MKI67: variants seen among roughly 807,000 people sequenced by gnomAD.
MKI67 encodes the protein marker of proliferation Ki-67, also known as proliferation marker protein Ki-67.
MKI67 carries 152 observed loss-of-function variants against 233.5 expected under a neutral mutation model. The observed-to-expected ratio is 0.65, with a 90% CI of 0.57 to 0.74. The LOEUF is 0.74. Among genes scored for constraint, MKI67 ranks in the 30% least tolerant of loss-of-function variants. The pLI is 0.00. For missense variants in MKI67, 3,940 were observed against 3,885.2 expected (o/e 1.01, Z -0.37); for synonymous variants, 1,465 against 1,418.5 (o/e 1.03, Z -0.74).
chr10:128,106,055 C>T lies in MKI67; in HGVS notation c.5785G>A (p.Asp1929Asn). The change falls in exon 13 of 15, where the codon GAC becomes AAC. Residue 1929 changes from aspartate (D) to asparagine (N), a missense_variant. By Grantham distance (23) the Asp-to-Asn change is conservative. Transcript: ENST00000368654. Reference sequence around the variant, plus strand: ...CTGCCAGGTAAATTTCCTAGCAGGTCCAGTTTCTCCACTGGAGTCCCCACA... The same window carrying T: ...CTGCCAGGTAAATTTCCTAGCAGGTTCAGTTTCTCCACTGGAGTCCCCACA... ...TFVGTPVEKL[D>N]LLGNLPGSKR... 1.9e-6 allele frequency: 3 copies of T among 1,613,910 alleles called. No homozygotes were observed. The highest frequency in any genetic ancestry group is 1.1e-5 in the South Asian group (1 of 91,080).
chr10:128,125,691 A>T lies in MKI67; in HGVS notation c.-24T>A. The T allele has an allele frequency of 1.3e-6, 2 of 1,592,850 alleles. No individual in the cohort carries two copies. Among genetic ancestry groups the T allele is most frequent in the South Asian group, 2.2e-5 (2 of 89,444 alleles). Reference sequence around the variant, plus strand: ...ATTTTCTAAACAGTAAGTTGAGTATAATCCGTAGGGGAAGGCCAGGTATAA... The same window carrying T: ...ATTTTCTAAACAGTAAGTTGAGTATTATCCGTAGGGGAAGGCCAGGTATAA... On this transcript the variant is annotated 5_prime_UTR_variant, in exon 2 of 15. Transcript: ENST00000368654. This position sits in a 1 kb window ranked among gnomAD's most constrained non-coding sequence, Gnocchi z 5.3.
Position 128,105,311 on chromosome 10 carries a change from T to C in MKI67, c.6529A>G (p.Ser2177Gly), listed in dbSNP as rs1852456391. ...KLDPAASVTG[S>G]KRQPRTPKGK... The stretch of plus-strand genomic sequence containing the variant: ...TTAGGAGTTCTTGGCTGCCTCTTGC[T>C]ACCAGTTACACTTGCTGCTGGGTCC... Residue 2177 changes from serine to glycine, a missense_variant, in exon 13 of 15, where the codon AGC (serine) becomes GGC (glycine). By Grantham distance (56) the Ser-to-Gly change is moderately conservative. Transcript: ENST00000368654. 1.2e-6 allele frequency: 2 copies of C among 1,614,106 alleles called. No homozygotes were observed. Among genetic ancestry groups the C allele is most frequent in the Admixed American group, 1.7e-5 (1 of 60,010 alleles).
rs529019435 is a variant in MKI67, at chr10:128,122,801, G to T, written c.287+80C>A. 9.1e-6 allele frequency: 6 copies of T among 658,380 alleles called. No homozygotes were observed. In the East Asian group the frequency reaches 1.3e-4, roughly 15 times the overall value. The allele number at this position is 658,380 out of a possible 1,614,324, so 40.8% of individuals were successfully genotyped here. A position where few individuals can be genotyped will look rare whatever the true frequency, so the allele number is the denominator to read the frequency against. On this transcript the variant is annotated intron_variant, in intron 4 of 14. Transcript: ENST00000368654. The stretch of plus-strand genomic sequence containing the variant: ...TTTGACATCCATGAACATTAAAGAA[G>T]AATGACAGTTGACTTTGACACTAGT...
intron 11 of MKI67, 96 bp downstream of exon 11, chr10:128,111,549 T>A: frequency 2.5e-5 from 24 of 951,040 alleles, no homozygotes; most frequent in African/African-American, 3.3e-5. Context: ...TTATAATCTC[T>A]TTCACAGCAG....
Position 128,109,152 on chromosome 10 carries a change from T to C in MKI67, c.2688A>G (p.Thr896=). 6.2e-7 allele frequency: 1 copy of C among 1,614,238 alleles called. No individual in the cohort carries two copies. The highest frequency in any genetic ancestry group is 1.3e-5 in the African/African-American group (1 of 75,064). The change falls in exon 13 of 15, where the codon ACA becomes ACG. Residue 896 remains threonine, a synonymous_variant. Coordinates refer to ENST00000368654, the MANE Select transcript of MKI67 (RefSeq NM_002417.5). ...GGATGCACTCAACAATTTCTGTATT[T>C]GTTTCTTCACTCTTACTTTCCACAG... The part of the protein sequence containing the change: ...KLPVESKSEE[T]NTEIVECILK...
At chr10:128,110,573 C>G in intron 11 of MKI67, 40 bp from the exon 12 acceptor site, 1 of 1,475,634 alleles carries the variant, frequency 6.8e-7, no homozygotes, top group African/African-American at 1.4e-5. Flanking sequence ...TGACATATTG[C>G]TAACATGCAG....
chr10:128,111,950 G>C lies in MKI67; in HGVS notation c.2065C>G (p.Gln689Glu). 1 of 1,612,414 alleles carries C rather than the reference G, an allele frequency of 6.2e-7. No homozygotes were observed. The highest frequency in any genetic ancestry group is 1.3e-5 in the African/African-American group (1 of 74,892). ...ACCTTTGGAGTAGCAGGTCTTCTTT[G>C]CCTTTTGTTCATTGACCTTTGAGGA... is the stretch of plus-strand genomic sequence containing the variant. ...HGPQRSMNKR[Q>E]RRPATPKKPV... Residue 689 changes from glutamine to glutamate, a missense_variant, in exon 10 of 15, where the codon CAA becomes GAA. Gln to Glu is a conservative substitution (Grantham distance 29, BLOSUM62 2). Transcript: ENST00000368654.
chr10:128,109,566 A>G, intron 12 of MKI67, 143 bp from the exon 13 acceptor site: 1 of 897,388 alleles, frequency 1.1e-6, no homozygotes, highest in African/African-American at 1.7e-5. Context: ...GTGTCTATAA[A>G]TCTGTCTTAT....
chr10:128,105,774 T>C lies in MKI67; in HGVS notation c.6066A>G (p.Ser2022=). The C allele has an allele frequency of 5.0e-6, 8 of 1,614,224 alleles. No homozygotes were observed. Among genetic ancestry groups the C allele is most frequent in the Non-Finnish European group, 6.8e-6 (8 of 1,180,042 alleles). Residue 2022 remains serine, a synonymous_variant, in exon 13 of 15, where the codon TCA becomes TCG. Coordinates refer to ENST00000368654, the MANE Select transcript of MKI67 (RefSeq NM_002417.5). ...VLPVGKLTQT[S]GKTTQTHRET... ...CTCTGTGTGTCTGTGTGGTCTTCCC[T>C]GACGTCTGTGTGAGCTTGCCGACTG... is the stretch of plus-strand genomic sequence containing the variant.
intron 11 of MKI67, 126 bp downstream of exon 11, chr10:128,111,519 G>A (rs1233391892): frequency 3.4e-6 from 3 of 880,264 alleles, no homozygotes; most frequent in Non-Finnish European, 5.1e-6. Flanking sequence ...GACCCCAGAA[G>A]GGTGATTGAG....
chr10:128,122,831 G>T (rs2136151908), intron 4 of MKI67, 50 bp downstream of exon 4: 1 of 900,986 alleles, frequency 1.1e-6, no homozygotes, highest in Non-Finnish European at 1.7e-6. Flanking sequence ...ACTAGTTTAT[G>T]GTTAATCAGA....
rs767586274 is a variant in MKI67, at chr10:128,107,336, C to T, written c.4504G>A (p.Asp1502Asn). ...TGTGGCTTGGAGCTTGTTGGTGTGT[C>T]CACTGGGTCTGGTTGTGATCTGCAG... ...IACRSQPDPV[D>N]TPTSSKPQSK... The change falls in exon 13 of 15, where the codon GAC (aspartate) becomes AAC (asparagine). Residue 1502 changes from aspartate to asparagine, a missense_variant. Asp to Asn is a conservative substitution (Grantham distance 23). Coordinates refer to ENST00000368654, the MANE Select transcript of MKI67 (RefSeq NM_002417.5). 6.2e-7 allele frequency: 1 copy of T among 1,613,664 alleles called. No homozygotes were observed. The highest frequency in any genetic ancestry group is 8.5e-7 in the Non-Finnish European group (1 of 1,179,986).
At chr10:128,099,513 T>G (rs1852287659) in intron 14 of MKI67, among the ~76,000 whole-genome samples, 1 of 152,246 alleles carries the variant, frequency 6.6e-6, no homozygotes, top group African/African-American at 2.4e-5. Context: ...TAATGCATTT[T>G]TAAGCTAATT....
chr10:128,120,385 G>A (rs764812713), intron 4 of MKI67, among the ~76,000 whole-genome samples: 1 of 151,988 alleles, frequency 6.6e-6, no homozygotes, highest in Non-Finnish European at 1.5e-5. Flanking sequence ...CCAGCTACTT[G>A]GTAGGCTGAG....
rs1157119570 is a variant in MKI67, at chr10:128,116,009, T to G, written c.401-2A>C. On this transcript the variant is annotated splice_acceptor_variant, in intron 6 of 14. Coordinates refer to ENST00000368654, the MANE Select transcript of MKI67 (RefSeq NM_002417.5). LOFTEE classifies it high-confidence loss of function. ...CCTTGGAATCTTGAGCTTTCTCATC[T>G]TGGCAATGAATTATGAAATAAGAAA... The G allele has an allele frequency of 6.4e-7, 1 of 1,566,310 alleles. No individual in the cohort carries two copies.
At chr10:128,120,598 C>T (rs1852915062) in intron 4 of MKI67, among the ~76,000 whole-genome samples, 1 of 151,796 alleles carries the variant, frequency 6.6e-6, no homozygotes, top group African/African-American at 2.4e-5. Context: ...GGCAAACTTC[C>T]CAGAAGCACA....
At chr10:128,124,101 A>C (rs1418622249) in intron 2 of MKI67, among the ~76,000 whole-genome samples, 1 of 152,246 alleles carries the variant, frequency 6.6e-6, no homozygotes, top group Non-Finnish European at 1.5e-5. Context: ...TCTTGCATGA[A>C]GATATATTCA....
At chr10:128,102,305 T>C (rs1404628766) in intron 13 of MKI67, among the ~76,000 whole-genome samples, 1 of 152,270 alleles carries the variant, frequency 6.6e-6, no homozygotes, top group African/African-American at 2.4e-5. Context: ...ATCAATTTTT[T>C]AAACATTTGA....
chr10:128,124,269 G>A (rs1853010997), intron 2 of MKI67, among the ~76,000 whole-genome samples: 1 of 152,208 alleles, frequency 6.6e-6, no homozygotes, highest in South Asian at 2.1e-4. Flanking sequence ...GCAAAGGAAA[G>A]ACTATCCCTT....
Sources: allele counts gnomAD v4.1 joint callset (sites outside exome capture counted in the v4.1 genomes callset), GRCh38; gene constraint gnomAD v4.1.1; non-coding constraint Gnocchi (gnomAD v3.1); transcripts MANE v1.5; gene names NCBI Gene and HGNC (gene_info 2026-07-23, HGNC 2026-07-21).